Variants in KCNQ1 observed in about 807,000 individuals in gnomAD.
KCNQ1 encodes the protein potassium voltage-gated channel subfamily Q member 1.
KCNQ1 carries 49 observed loss-of-function variants against 72.4 expected under a neutral mutation model. That is an observed-to-expected ratio of 0.68 (90% CI 0.54 to 0.86). The LOEUF (loss-of-function observed/expected upper bound fraction) is 0.86, where lower values mean the gene tolerates loss of function less well. Ranked by LOEUF, KCNQ1 falls within the 40% of genes least tolerant of loss-of-function variation. KCNQ1 has a pLI of 0.00. For missense variants in KCNQ1, 790 were observed against 945.1 expected (o/e 0.84, Z 2.15); for synonymous variants, 450 against 412.6 (o/e 1.09, Z -1.10).
rs376562573 is a variant in KCNQ1 at position 2,734,304 on chromosome 11, G to A, written c.1515-34540G>A. On this transcript the variant is annotated intron_variant, in intron 11 of 15. Coordinates refer to ENST00000155840, the MANE Select transcript of KCNQ1 (RefSeq NM_000218.3). This position sits in a 1 kb window ranked among gnomAD's most constrained non-coding sequence, Gnocchi z 7.0. ...AGCAGGGCAGGGGTGGCCAAAAGGCGCCTAGAAGGCTGGACTTTCCGTGAG... is the reference window on the plus strand; with the variant it reads ...AGCAGGGCAGGGGTGGCCAAAAGGCACCTAGAAGGCTGGACTTTCCGTGAG... Among the ~76,000 whole-genome samples, 22 of 152,390 alleles carry A rather than the reference G, an allele frequency of 1.4e-4. No homozygotes were observed. The highest frequency in any genetic ancestry group is 4.3e-4 in the African/African-American group (18 of 41,602).
Position 2,482,935 on chromosome 11 carries a change from T to C in KCNQ1, c.386+37451T>C, listed in dbSNP as rs973459761. On this transcript the variant is annotated intron_variant, in intron 1 of 15. Transcript: ENST00000155840. The surrounding 1 kb of genome is among the most constrained non-coding windows in gnomAD (Gnocchi z 5.7). ...GAATGGAGAGAGTCATGGACCGGCATGGCGTGGTAATGCATGGTGCGTGTC... is the reference window on the plus strand; with the variant it reads ...GAATGGAGAGAGTCATGGACCGGCACGGCGTGGTAATGCATGGTGCGTGTC... 2.0e-5 allele frequency among the ~76,000 whole-genome samples: 3 copies of C among 152,100 alleles called. No homozygotes were observed. Among genetic ancestry groups the C allele is most frequent in the Non-Finnish European group, 4.4e-5 (3 of 68,016 alleles).
intron 2 of KCNQ1, among the ~76,000 whole-genome samples, chr11:2,535,322 A>ACTTCAGCTGCCACCCAG (rs1847711897): frequency 6.6e-6 from 1 of 152,150 alleles, no homozygotes; most frequent in African/African-American, 2.4e-5. Flanking sequence ...GGTGGGCTGA[A>ACTTCAGCTGCCACCCAG]CTTCAGCTGC....
At chr11:2,749,594 G>T (rs901589557) in intron 11 of KCNQ1, among the ~76,000 whole-genome samples, 5 of 150,172 alleles carry the variant, frequency 3.3e-5, no homozygotes, top group African/African-American at 9.8e-5. Context: ...CGGATCACGA[G>T]GTCAGGAGAT....
In KCNQ1 at chr11:2,493,437, C is replaced by T. The variant is rs556276665; in HGVS notation, c.387-34491C>T. Among the ~76,000 whole-genome samples, 39 of 152,298 alleles carry T rather than the reference C, an allele frequency of 2.6e-4. No individual in the cohort carries two copies. The highest frequency in any genetic ancestry group is 5.0e-4 in the Non-Finnish European group (34 of 68,024). ...TGAAGTCCTTGCCCATGCCTATGTC[C>T]TGAATGGTATTGCCTGGGTATTCTT... On this transcript the variant is annotated intron_variant, in intron 1 of 15. Coordinates refer to ENST00000155840, the MANE Select transcript of KCNQ1 (RefSeq NM_000218.3). This position sits in a 1 kb window ranked among gnomAD's most constrained non-coding sequence, Gnocchi z 5.3.
intron 1 of KCNQ1, among the ~76,000 whole-genome samples, chr11:2,474,130 T>C (rs1846534960): frequency 6.6e-6 from 1 of 151,980 alleles, no homozygotes; most frequent in Non-Finnish European, 1.5e-5. Context: ...CTTTCCTCAC[T>C]GAGGGCTCAC....
At chr11:2,584,525 G>T (rs1434864729) in intron 7 of KCNQ1, among the ~76,000 whole-genome samples, 4 of 148,246 alleles carry the variant, frequency 2.7e-5, no homozygotes, top group African/African-American at 1.0e-4. Context: ...TTGTGTGTTA[G>T]TGTGTGTGTT....
rs376694836 is a variant in KCNQ1 at position 2,762,650 on chromosome 11, C to A, written c.1515-6194C>A. On this transcript the variant is annotated intron_variant, in intron 11 of 15. Coordinates refer to ENST00000155840, the MANE Select transcript of KCNQ1 (RefSeq NM_000218.3). This position sits in a 1 kb window ranked among gnomAD's most constrained non-coding sequence, Gnocchi z 4.3. Reference sequence around the variant, plus strand: ...CAAGTGAACGTGATCACCTGAGCTCCGCCTCCTGTCAGATCAGTGGTGGCA... The same window carrying A: ...CAAGTGAACGTGATCACCTGAGCTCAGCCTCCTGTCAGATCAGTGGTGGCA... Among the ~76,000 whole-genome samples the A allele has an allele frequency of 6.6e-6, 1 of 152,202 alleles. No individual in the cohort carries two copies. Among genetic ancestry groups the A allele is most frequent in the African/African-American group, 2.4e-5 (1 of 41,438 alleles).
chr11:2,452,202 AG>A (rs1423332099), intron 1 of KCNQ1, among the ~76,000 whole-genome samples: 1 of 152,142 alleles, frequency 6.6e-6, no homozygotes, highest in Admixed American at 6.5e-5. Context: ...GCGCACTGAA[AG>A]GGTGCTCTGA....
rs1362560041 is a variant in KCNQ1, at chr11:2,482,815, G to T, written c.386+37331G>T. 6.6e-6 allele frequency among the ~76,000 whole-genome samples: 1 copy of T among 152,122 alleles called. No homozygotes were observed. Among genetic ancestry groups the T allele is most frequent in the African/African-American group, 2.4e-5 (1 of 41,400 alleles). ...CCATTCACTGGCCCACCTGCCCCTG[G>T]TGCACCTGCAGCAGCAAGACTGTCA... On this transcript the variant is annotated intron_variant, in intron 1 of 15. Coordinates refer to ENST00000155840, the MANE Select transcript of KCNQ1 (RefSeq NM_000218.3). The surrounding 1 kb of genome is among the most constrained non-coding windows in gnomAD (Gnocchi z 5.7).
intron 11 of KCNQ1, among the ~76,000 whole-genome samples, chr11:2,738,454 T>C (rs1305649160): frequency 6.6e-6 from 1 of 152,172 alleles, no homozygotes; most frequent in Non-Finnish European, 1.5e-5. Flanking sequence ...CACTAGCGTG[T>C]GTGACAAGGG....
rs1403542153 is a variant in KCNQ1 at position 2,687,117 on chromosome 11, A to G, written c.1514+25036A>G. 1 of 398,554 alleles carries G rather than the reference A, an allele frequency of 2.5e-6. No homozygotes were observed. Among genetic ancestry groups the G allele is most frequent in the African/African-American group, 2.1e-5 (1 of 48,644 alleles). The allele number at this position is 398,554 out of a possible 1,614,324, so 24.7% of individuals were successfully genotyped here. ...TGTGACAAGTACACCTTGACACACA[A>G]ACTGCACAGGGAGGGGAGGAATCTG... On this transcript the variant is annotated intron_variant, in intron 11 of 15. Coordinates refer to ENST00000155840, the MANE Select transcript of KCNQ1 (RefSeq NM_000218.3). The surrounding 1 kb of genome is among the most constrained non-coding windows in gnomAD (Gnocchi z 5.0).
chr11:2,741,203 G>A (rs1846043620), intron 11 of KCNQ1, among the ~76,000 whole-genome samples: 1 of 152,112 alleles, frequency 6.6e-6, no homozygotes, highest in Non-Finnish European at 1.5e-5. Context: ...CAGAGACAGG[G>A]GAGGCCCCTA....
chr11:2,740,163 T>C (rs1440577737), intron 11 of KCNQ1, among the ~76,000 whole-genome samples: 1 of 151,948 alleles, frequency 6.6e-6, no homozygotes, highest in African/African-American at 2.4e-5. Context: ...TCTTTACCCC[T>C]CTGTGAGATG....
At chr11:2,792,688 G>T (rs2134010903) in intron 15 of KCNQ1, among the ~76,000 whole-genome samples, 1 of 152,334 alleles carries the variant, frequency 6.6e-6, no homozygotes, top group East Asian at 1.9e-4. Context: ...ACAGCAGGAG[G>T]CACTGGCCAG....
At chr11:2,628,592 G>A (rs2133813092) in intron 10 of KCNQ1, 2 of 398,358 alleles carry the variant, frequency 5.0e-6, no homozygotes, top group African/African-American at 2.1e-5. Context: ...TACATGTGCT[G>A]CCTTTTCATT....
At position 2,658,876 on chromosome 11, in the gene KCNQ1, T is replaced by C. The variant is rs1256615012; in HGVS notation, c.1394-3085T>C. 2 of 398,472 alleles carry C rather than the reference T, an allele frequency of 5.0e-6. No individual in the cohort carries two copies. The highest frequency in any genetic ancestry group is 4.4e-5 in the Admixed American group (1 of 22,710). 24.7% of individuals were successfully genotyped at this position (398,472 alleles called of 1,614,324 possible). On this transcript the variant is annotated intron_variant, in intron 10 of 15. Transcript: ENST00000155840. The surrounding 1 kb of genome is among the most constrained non-coding windows in gnomAD (Gnocchi z 4.9). ...CCATTACCTACAGTTCATTTACTTA[T>C]TTGTGTAACCCTATTGTACACGTAG... is the stretch of plus-strand genomic sequence containing the variant.
rs563637052 is a variant in KCNQ1, at chr11:2,565,953, C to T, written c.478-4675C>T. 2.3e-4 allele frequency among the ~76,000 whole-genome samples: 35 copies of T among 152,216 alleles called. No individual in the cohort carries two copies. Among genetic ancestry groups the T allele is most frequent in the Admixed American group, 2.0e-3 (31 of 15,298 alleles). ...CCGCCTTGGGGCCATCTGACACCCA[C>T]ACCCTCCCTCCAGGCCAGACCCAGC... On this transcript the variant is annotated intron_variant, in intron 2 of 15. Transcript: ENST00000155840. This position sits in a 1 kb window ranked among gnomAD's most constrained non-coding sequence, Gnocchi z 5.6.
chr11:2,628,897 G>A (rs1589991031), intron 10 of KCNQ1: 1 of 398,306 alleles, frequency 2.5e-6, no homozygotes, highest in East Asian at 3.6e-5. Flanking sequence ...TGTACTCTTG[G>A]TGTCTTTGTC....
At chr11:2,637,105 A>G (rs1849484089) in intron 10 of KCNQ1, 2 of 151,940 alleles carry the variant, frequency 1.3e-5, no homozygotes, top group African/African-American at 2.4e-5. Flanking sequence ...AGGCCTATCA[A>G]TTTTGTTGAT....
Sources: allele counts gnomAD v4.1 joint callset (sites outside exome capture counted in the v4.1 genomes callset), GRCh38; gene constraint gnomAD v4.1.1; non-coding constraint Gnocchi (gnomAD v3.1); transcripts MANE v1.5; gene names NCBI Gene and HGNC (gene_info 2026-07-23, HGNC 2026-07-21).